DLG2: variants seen among roughly 807,000 people sequenced by gnomAD.
DLG2 encodes the protein discs large MAGUK scaffold protein 2.
DLG2 carries 45 observed loss-of-function variants against 132.5 expected under a neutral mutation model. The observed-to-expected ratio is 0.34, with a 90% CI of 0.27 to 0.44. DLG2 has a LOEUF of 0.44. Among genes scored for constraint, DLG2 ranks in the 20% least tolerant of loss-of-function variants. DLG2 has a pLI of 1.00. For synonymous variants in DLG2, 424 were observed against 419.6 expected (o/e 1.01, Z -0.13); for missense variants, 1,045 against 1,196.9 (o/e 0.87, Z 1.87).
chr11:84,841,353 T>C (rs1254085034), intron 6 of DLG2, among the ~76,000 whole-genome samples: 1 of 152,036 alleles, frequency 6.6e-6, no homozygotes, highest in African/African-American at 2.4e-5. Flanking sequence ...GTTAGCTCTG[T>C]GTTTGAAGTA....
chr11:84,795,942 G>C (rs1229442004), intron 6 of DLG2, among the ~76,000 whole-genome samples: 1 of 152,172 alleles, frequency 6.6e-6, no homozygotes, highest in Non-Finnish European at 1.5e-5. Flanking sequence ...GGTGTGCCTA[G>C]CTTTGCGCAG....
At chr11:85,385,370 T>C (rs561458082) in intron 3 of DLG2, among the ~76,000 whole-genome samples, 2 of 152,098 alleles carry the variant, frequency 1.3e-5, no homozygotes, top group Non-Finnish European at 2.9e-5. Context: ...CAGCTATAGG[T>C]TTTTTGTTTG....
chr11:83,624,164 G>A (rs946627204), intron 19 of DLG2, among the ~76,000 whole-genome samples: 2 of 152,100 alleles, frequency 1.3e-5, no homozygotes, highest in Non-Finnish European at 2.9e-5. Flanking sequence ...GCTCAGAAGA[G>A]GTTTTCTGGA....
At chr11:84,966,986 T>C (rs2053438093) in intron 6 of DLG2, among the ~76,000 whole-genome samples, 1 of 152,108 alleles carries the variant, frequency 6.6e-6, no homozygotes, top group African/African-American at 2.4e-5. Context: ...TGGTCTGGGA[T>C]GCAATAACTC....
intron 4 of DLG2, among the ~76,000 whole-genome samples, chr11:85,280,868 A>T (rs577011128): frequency 1.3e-5 from 2 of 151,818 alleles, no homozygotes; most frequent in East Asian, 3.9e-4. Flanking sequence ...AAATGTTTTT[A>T]AAAAGGTCAT....
intron 3 of DLG2, among the ~76,000 whole-genome samples, chr11:85,585,769 A>T (rs939812476): frequency 6.6e-6 from 1 of 150,942 alleles, no homozygotes; most frequent in Non-Finnish European, 1.5e-5. Context: ...GCTGGAGTGC[A>T]GTGGCATGAT....
At chr11:85,301,485 G>T (rs2079581664) in intron 3 of DLG2, among the ~76,000 whole-genome samples, 3 of 152,146 alleles carry the variant, frequency 2.0e-5, no homozygotes, top group Non-Finnish European at 1.5e-5. Context: ...TGATCTGGAA[G>T]CAAAGCGTTG....
intron 6 of DLG2, among the ~76,000 whole-genome samples, chr11:84,616,170 C>T (rs1240198381): frequency 6.6e-6 from 1 of 151,902 alleles, no homozygotes; most frequent in African/African-American, 2.4e-5. Flanking sequence ...AAAGAATCAG[C>T]AAGGTAAAAA....
chr11:84,897,357 A>G (rs1353356875), intron 6 of DLG2, among the ~76,000 whole-genome samples: 3 of 151,888 alleles, frequency 2.0e-5, no homozygotes, highest in Non-Finnish European at 4.4e-5. Flanking sequence ...AGTTTTTGCA[A>G]TTATGAACAA....
chr11:83,946,770 T>A (rs1011046228), intron 14 of DLG2, among the ~76,000 whole-genome samples: 11 of 152,314 alleles, frequency 7.2e-5, no homozygotes, highest in Middle Eastern at 3.4e-3. Context: ...TTTTAAAAAA[T>A]TTTTGTTAGC....
intron 9 of DLG2, among the ~76,000 whole-genome samples, chr11:84,133,480 T>C (rs1390242460): frequency 6.6e-6 from 1 of 152,048 alleles, no homozygotes; most frequent in East Asian, 1.9e-4. Flanking sequence ...GCATTCTGTT[T>C]TAGGTTAGAG....
intron 6 of DLG2, among the ~76,000 whole-genome samples, chr11:84,737,310 T>G (rs2063966757): frequency 1.3e-5 from 2 of 152,032 alleles, no homozygotes; most frequent in Admixed American, 1.3e-4. Context: ...CTGTAACATT[T>G]TTTATTGAAA....
intron 7 of DLG2, among the ~76,000 whole-genome samples, chr11:84,275,985 A>G (rs1324709732): frequency 2.0e-5 from 3 of 152,152 alleles, no homozygotes; most frequent in Non-Finnish European, 2.9e-5. Context: ...GAAAGGCTTC[A>G]TTGATTATTG....
intron 6 of DLG2, among the ~76,000 whole-genome samples, chr11:85,042,000 A>C (rs1223004196): frequency 6.6e-6 from 1 of 151,920 alleles, no homozygotes; most frequent in African/African-American, 2.4e-5. Context: ...TTCCAGTGAC[A>C]GGTATACTAA....
intron 7 of DLG2, among the ~76,000 whole-genome samples, chr11:84,308,527 T>C (rs1023747827): frequency 1.3e-4 from 20 of 152,220 alleles, no homozygotes; most frequent in Non-Finnish European, 2.2e-4. Context: ...TGGAGCTGCC[T>C]GCCAGTCCCC....
chr11:83,524,151 C>T (rs962572578), intron 21 of DLG2, among the ~76,000 whole-genome samples: 1 of 152,234 alleles, frequency 6.6e-6, no homozygotes, highest in Non-Finnish European at 1.5e-5. Context: ...TATATTGTAT[C>T]TTTTAATATG....
At chr11:84,414,040 A>G (rs1393577958) in intron 7 of DLG2, among the ~76,000 whole-genome samples, 2 of 152,188 alleles carry the variant, frequency 1.3e-5, no homozygotes, top group Non-Finnish European at 2.9e-5. Flanking sequence ...TATGCAGAAA[A>G]CAATTATATG....
intron 3 of DLG2, among the ~76,000 whole-genome samples, chr11:85,321,511 G>T (rs746290406): frequency 6.6e-6 from 1 of 151,986 alleles, no homozygotes; most frequent in East Asian, 1.9e-4. Flanking sequence ...ACAGACTAAG[G>T]ATGATAGGGT....
At chr11:84,408,931 A>C (rs553088136) in intron 7 of DLG2, among the ~76,000 whole-genome samples, 1 of 152,092 alleles carries the variant, frequency 6.6e-6, no homozygotes, top group Admixed American at 6.5e-5. Flanking sequence ...CCTTCCTTCC[A>C]TTCATCCTCC....
Sources: allele counts gnomAD v4.1 joint callset (sites outside exome capture counted in the v4.1 genomes callset), GRCh38; gene constraint gnomAD v4.1.1; transcripts MANE v1.5; gene names NCBI Gene and HGNC (gene_info 2026-07-23, HGNC 2026-07-21).